The following SOAT1 variants were observed in gnomAD, a reference collection of about 807,000 sequenced individuals.
SOAT1 encodes sterol O-acyltransferase 1.
Under a neutral mutation model 69.5 loss-of-function variants are expected in SOAT1, and 55 were observed. That is an observed-to-expected ratio of 0.79 (90% confidence interval 0.64 to 0.99). SOAT1 has a LOEUF of 0.99. SOAT1 is among the 50% of genes least tolerant of loss of function. SOAT1 has a pLI of 0.00. For synonymous variants in SOAT1, 231 were observed against 224.7 expected, an observed-to-expected ratio of 1.03 and a Z score of -0.25; for missense variants, 580 against 669.3, an observed-to-expected ratio of 0.87 and a Z score of 1.47.
rs201233803 is a variant in SOAT1, at chr1:179,345,038, G to T, written c.1079G>T (p.Arg360Leu). ...RNIKQEPFSA[R>L]VLVLCVFNSI... is the part of the protein sequence containing the mutation. The stretch of plus-strand genomic sequence containing the variant: ...ATCAAACAGGAGCCCTTCAGCGCTC[G>T]TGTTCTGGTCCTATGTGTATTTAAC... Residue 360 changes from arginine to leucine, a missense_variant, in exon 11 of 16, where the codon CGT becomes CTT. By Grantham distance (102) the Arg-to-Leu change is moderately radical. Transcript: ENST00000367619. The T allele has an allele frequency of 6.2e-7, 1 of 1,613,988 alleles. No individual in the cohort carries two copies. Among genetic ancestry groups the T allele is most frequent in the Non-Finnish European group, 8.5e-7 (1 of 1,179,904 alleles).
chr1:179,333,517 C>T (rs1666040084), intron 3 of SOAT1, among the ~76,000 whole-genome samples: 1 of 151,194 alleles, frequency 6.6e-6, no homozygotes, highest in African/African-American at 2.4e-5. Context: ...GTCTGGCCAA[C>T]ATAGTGAGAC....
rs1665338696 is a variant in SOAT1 at position 179,314,851 on chromosome 1, G to C, written c.119-8586G>C. ...ATTTTAAACATTCCCATTAAGTATA[G>C]CAGGTTTTAAAAGAGATAGCATTTA... On this transcript the variant is annotated intron_variant, in intron 2 of 15. Coordinates refer to ENST00000367619, the MANE Select transcript of SOAT1 (RefSeq NM_003101.6). 5.9e-5 allele frequency among the ~76,000 whole-genome samples: 9 copies of C among 152,266 alleles called. No individual in the cohort carries two copies. In the South Asian group the frequency reaches 1.9e-3, roughly 32 times the overall value.
chr1:179,354,472 T>C lies in SOAT1; in HGVS notation c.*831T>C, dbSNP rs1372429644. On this transcript the variant is annotated 3_prime_UTR_variant, in exon 16 of 16. Transcript: ENST00000367619. Reference sequence around the variant, plus strand: ...AAATTATTTTATCACAAACTTAACATGGAAGATATTCCTTTTTAACTTTGT... The same window carrying C: ...AAATTATTTTATCACAAACTTAACACGGAAGATATTCCTTTTTAACTTTGT... The C allele has an allele frequency of 1.3e-5, 2 of 152,244 alleles. No homozygotes were observed. Among genetic ancestry groups the C allele is most frequent in the African/African-American group, 2.4e-5 (1 of 41,474 alleles). The allele number at this position is 152,244 out of a possible 1,614,324, so 9.4% of individuals were successfully genotyped here. A position where few individuals can be genotyped will look rare whatever the true frequency, so the allele number is the denominator to read the frequency against.
chr1:179,306,965 A>C (rs1340440658), intron 2 of SOAT1, among the ~76,000 whole-genome samples: 1 of 152,196 alleles, frequency 6.6e-6, no homozygotes, highest in Admixed American at 6.6e-5. Flanking sequence ...AAACTTTTTC[A>C]GTCAGCTCCC....
rs374800485 is a variant in SOAT1, at chr1:179,341,177, C to T, written c.647C>T (p.Pro216Leu). ...ACTGGCTATAGCAAGAGTTCTCATC[C>T]GCTGATCCGTTCTCTCTTCCATGGC... ...WATGYSKSSH[P>L]LIRSLFHGFL... Residue 216 changes from proline (P) to leucine (L), a missense_variant, in exon 7 of 16, where the codon CCG becomes CTG. By Grantham distance (98) the Pro-to-Leu change is moderately conservative. Transcript: ENST00000367619. 4.6e-5 allele frequency: 74 copies of T among 1,614,054 alleles called. No individual in the cohort carries two copies. The South Asian group carries it at 4.9e-4, about 11-fold the overall frequency.
chr1:179,343,235 T>C (rs570102982), intron 9 of SOAT1, among the ~76,000 whole-genome samples: 2 of 152,178 alleles, frequency 1.3e-5, no homozygotes, highest in South Asian at 4.1e-4. Context: ...TAATTAATTT[T>C]AGTTTTTTCT....
intron 13 of SOAT1, among the ~76,000 whole-genome samples, chr1:179,349,546 T>C (rs2125003441): frequency 6.6e-6 from 1 of 152,206 alleles, no homozygotes; most frequent in East Asian, 1.9e-4. Context: ...AGGCTCATCT[T>C]GAACTCCCGA....
At chr1:179,316,298 A>G (rs1665390605) in intron 2 of SOAT1, among the ~76,000 whole-genome samples, 1 of 151,430 alleles carries the variant, frequency 6.6e-6, no homozygotes, top group South Asian at 2.1e-4. Flanking sequence ...TTGTAATTGC[A>G]GTACTTGCGT....
chr1:179,294,394 G>C (rs915646920), intron 1 of SOAT1: 1 of 152,152 alleles, frequency 6.6e-6, no homozygotes, highest in African/African-American at 2.4e-5. Flanking sequence ...TAAAATATTA[G>C]GATGTAGGTA....
chr1:179,300,115 A>G (rs1446758566), intron 1 of SOAT1, among the ~76,000 whole-genome samples: 3 of 151,642 alleles, frequency 2.0e-5, no homozygotes, highest in African/African-American at 7.3e-5. Context: ...TTAAAAGAGT[A>G]TCTACTTTAA....
chr1:179,330,066 T>A (rs1224407793), intron 3 of SOAT1, among the ~76,000 whole-genome samples: 2 of 152,104 alleles, frequency 1.3e-5, no homozygotes, highest in African/African-American at 4.8e-5. Flanking sequence ...GAGACAGTGG[T>A]AAAGCAGTAG....
chr1:179,347,185 G>T (rs6425535), intron 11 of SOAT1, among the ~76,000 whole-genome samples: 2 of 151,626 alleles, frequency 1.3e-5, no homozygotes, highest in Non-Finnish European at 2.9e-5. Context: ...GGTGAAACCC[G>T]GTCTCTACTA....
intron 3 of SOAT1, among the ~76,000 whole-genome samples, chr1:179,329,399 A>G (rs1665897021): frequency 1.3e-5 from 2 of 152,084 alleles, no homozygotes; most frequent in Admixed American, 6.6e-5. Flanking sequence ...GTTTCTCACC[A>G]TGTTTTTTCA....
At chr1:179,316,543 T>C (rs1402853421) in intron 2 of SOAT1, among the ~76,000 whole-genome samples, 1 of 152,164 alleles carries the variant, frequency 6.6e-6, no homozygotes, top group East Asian at 1.9e-4. Flanking sequence ...ATTACAGGCA[T>C]GTGCCACCAC....
At chr1:179,322,126 C>A (rs1665626139) in intron 2 of SOAT1, among the ~76,000 whole-genome samples, 1 of 152,098 alleles carries the variant, frequency 6.6e-6, no homozygotes, top group Non-Finnish European at 1.5e-5. Context: ...AACAAATAAT[C>A]CTCCCCACCA....
In SOAT1 at chr1:179,354,323, T is replaced by A. The variant is rs1176690584; in HGVS notation, c.*682T>A. On this transcript the variant is annotated 3_prime_UTR_variant, in exon 16 of 16. Transcript: ENST00000367619. ...TCTTGAGTTTACATCAATAATATTG[T>A]ATATTAAGGGGATCAGAAGTAGGAA... 1 of 152,564 alleles carries A rather than the reference T, an allele frequency of 6.6e-6. No individual in the cohort carries two copies. Among genetic ancestry groups the A allele is most frequent in the Non-Finnish European group, 1.5e-5 (1 of 68,010 alleles). 9.5% of individuals were successfully genotyped at this position (152,564 alleles called of 1,614,324 possible).
chr1:179,300,201 G>C (rs900906553), intron 1 of SOAT1, among the ~76,000 whole-genome samples: 4 of 150,174 alleles, frequency 2.7e-5, no homozygotes, highest in Admixed American at 6.6e-5. Flanking sequence ...ATTATTCCTT[G>C]TAAAATTCCT....
rs561429963 is a variant in SOAT1, at chr1:179,356,187, T to G, written c.*2546T>G. On this transcript the variant is annotated 3_prime_UTR_variant, in exon 16 of 16. Coordinates refer to ENST00000367619, the MANE Select transcript of SOAT1 (RefSeq NM_003101.6). ...TCTGAAAAGTAATAAGCTTAAAGTT[T>G]TTGTTTCTGTAAGATGTAATGATAG... The G allele has an allele frequency of 1.3e-5, 2 of 152,334 alleles. No individual in the cohort carries two copies. The highest frequency in any genetic ancestry group is 4.8e-5 in the African/African-American group (2 of 41,588). The allele number at this position is 152,334 out of a possible 1,614,324, so 9.4% of individuals were successfully genotyped here.
chr1:179,333,663 G>A (rs576484649), intron 3 of SOAT1, among the ~76,000 whole-genome samples: 39 of 152,084 alleles, frequency 2.6e-4, no homozygotes, highest in Non-Finnish European at 4.9e-4. Flanking sequence ...GAGAAACCCC[G>A]TCTCTACTAA....
Sources: gnomAD v4.1 joint callset for allele counts (sites outside exome capture counted in the v4.1 genomes callset) on GRCh38, gnomAD v4.1.1 for gene constraint, MANE v1.5 for transcripts, NCBI Gene and HGNC (gene_info 2026-07-23, HGNC 2026-07-21) for gene names.